The following UBXN4 variants were observed in gnomAD, a reference collection of about 807,000 sequenced individuals.
The protein encoded by UBXN4 is UBX domain-containing protein 4.
UBXN4 carries 35 observed loss-of-function variants against 66.2 expected under a neutral mutation model. That is an observed-to-expected ratio of 0.53 (90% CI 0.40 to 0.70). The LOEUF (loss-of-function observed/expected upper bound fraction) is 0.70, where lower values mean the gene tolerates loss of function less well. Among genes scored for constraint, UBXN4 ranks in the 30% least tolerant of loss-of-function variants. The probability of loss-of-function intolerance (pLI) is 0.00; values close to 1 mark genes in which losing one functional copy is unlikely to be tolerated. For synonymous variants in UBXN4, 203 were observed against 204.5 expected, an observed-to-expected ratio of 0.99 and a Z score of 0.06; for missense variants, 533 against 599.8, an observed-to-expected ratio of 0.89 and a Z score of 1.16.
chr2:135,768,276 G>A (rs2077359531), intron 6 of UBXN4, among the ~76,000 whole-genome samples: 1 of 151,950 alleles, frequency 6.6e-6, no homozygotes, highest in Non-Finnish European at 1.5e-5. Context: ...TCGGCTCACT[G>A]CAACCTCCGC....
chr2:135,745,012 A>T (rs1158991260), intron 1 of UBXN4, among the ~76,000 whole-genome samples: 1 of 152,188 alleles, frequency 6.6e-6, no homozygotes. Flanking sequence ...TGAGGGAGTG[A>T]TGCACCAGCC....
chr2:135,755,322 T>C (rs951080416), intron 4 of UBXN4, among the ~76,000 whole-genome samples, 195 bp from the exon 5 acceptor site: 1 of 152,234 alleles, frequency 6.6e-6, no homozygotes, highest in Non-Finnish European at 1.5e-5. Context: ...GTTTTTATGG[T>C]CTTGCCAGCT....
chr2:135,773,606 A>G (rs1023126886), intron 9 of UBXN4, among the ~76,000 whole-genome samples: 2 of 152,194 alleles, frequency 1.3e-5, no homozygotes, highest in East Asian at 3.8e-4. Flanking sequence ...AACGAATGAC[A>G]CATAGCAGGG....
rs185332654 is a variant in UBXN4 at position 135,751,248 on chromosome 2, G to A, written c.186-2291G>A. Among the ~76,000 whole-genome samples, 488 of 150,304 alleles carry A rather than the reference G, an allele frequency of 3.2e-3. 2 individuals carry two copies. Among genetic ancestry groups the A allele is most frequent in the Non-Finnish European group, 5.5e-3 (375 of 67,722 alleles). On this transcript the variant is annotated intron_variant, in intron 2 of 12. Coordinates refer to ENST00000272638, the MANE Select transcript of UBXN4 (RefSeq NM_014607.4). ...GTAGCCCAGGCTGGAGTGCAGTAAC[G>A]TGATCTTGGCTCACTGCAAGCTCCG...
At chr2:135,742,995 A>G (rs1210987033) in intron 1 of UBXN4, among the ~76,000 whole-genome samples, 5 of 152,210 alleles carry the variant, frequency 3.3e-5, no homozygotes, top group African/African-American at 7.2e-5. Context: ...GTAGATTTAC[A>G]GTGAACTCCC....
At chr2:135,763,212 A>C (rs2077325871) in intron 6 of UBXN4, among the ~76,000 whole-genome samples, 1 of 152,146 alleles carries the variant, frequency 6.6e-6, no homozygotes, top group Non-Finnish European at 1.5e-5. Context: ...CCAAATGTCC[A>C]CTTAGCTCAT....
Position 135,746,696 on chromosome 2 carries a change from C to A in UBXN4, c.83-1571C>A, listed in dbSNP as rs2077208987. On this transcript the variant is annotated intron_variant, in intron 1 of 12. Coordinates refer to ENST00000272638, the MANE Select transcript of UBXN4 (RefSeq NM_014607.4). Reference sequence around the variant, plus strand: ...AACAACTAGTACAAAGACCTTATGGCTGAAGTGTCTTTCATATTTGAGGAA... The same window carrying A: ...AACAACTAGTACAAAGACCTTATGGATGAAGTGTCTTTCATATTTGAGGAA... Among the ~76,000 whole-genome samples, 7 of 152,148 alleles carry A rather than the reference C, an allele frequency of 4.6e-5. No homozygotes were observed. The South Asian group carries it at 1.5e-3, about 32-fold the overall frequency.
chr2:135,769,335 T>G (rs2077368312), intron 6 of UBXN4, among the ~76,000 whole-genome samples: 1 of 152,090 alleles, frequency 6.6e-6, no homozygotes, highest in African/African-American at 2.4e-5. Flanking sequence ...CAGTTGAGAA[T>G]CAAGTTGGTG....
Position 135,780,371 on chromosome 2 carries a change from C to A in UBXN4, c.1374C>A (p.Ser458Arg), listed in dbSNP as rs2304602. ...SSEPPNPASS[S>R]KSEKREPVRK... The stretch of plus-strand genomic sequence containing the variant: ...AACCCCCAAACCCTGCATCATCTAG[C>A]AAATCAGAAAAAAGGTATCTGTGTG... Residue 458 changes from serine to arginine, a missense_variant, in exon 12 of 13, where the codon AGC becomes AGA. Transcript: ENST00000272638. 6.2e-7 allele frequency: 1 copy of A among 1,613,522 alleles called. No individual in the cohort carries two copies. Among genetic ancestry groups the A allele is most frequent in the Non-Finnish European group, 8.5e-7 (1 of 1,179,736 alleles).
chr2:135,749,114 G>A (rs1210104388), intron 2 of UBXN4, among the ~76,000 whole-genome samples: 3 of 151,940 alleles, frequency 2.0e-5, no homozygotes, highest in Admixed American at 6.6e-5. Flanking sequence ...TCTGACTGCC[G>A]TTTGCTAAAT....
chr2:135,758,482 G>T (rs1243632511), intron 5 of UBXN4, among the ~76,000 whole-genome samples: 1 of 152,060 alleles, frequency 6.6e-6, no homozygotes, highest in African/African-American at 2.4e-5. Flanking sequence ...TGAAAGTGCT[G>T]GGATTACAGG....
At chr2:135,780,147 C>T (rs2077440761) in intron 11 of UBXN4, 36 bp from the exon 12 acceptor site, 10 of 1,601,020 alleles carry the variant, frequency 6.2e-6, no homozygotes, top group Admixed American at 3.3e-5. Flanking sequence ...ATTGTGCTAA[C>T]GTAGTCTTTA....
At chr2:135,776,717 C>T (rs943395936) in intron 10 of UBXN4, among the ~76,000 whole-genome samples, 1 of 152,012 alleles carries the variant, frequency 6.6e-6, no homozygotes, top group Non-Finnish European at 1.5e-5. Context: ...CCTCAGCCTC[C>T]TAAGTAGCTG....
chr2:135,765,262 T>A (rs1207809175), intron 6 of UBXN4, among the ~76,000 whole-genome samples: 1 of 151,354 alleles, frequency 6.6e-6, no homozygotes, highest in Non-Finnish European at 1.5e-5. Context: ...CAAGCTGGGG[T>A]GCAATGGCAC....
chr2:135,753,745 A>G (rs1280741870), intron 3 of UBXN4, 178 bp downstream of exon 3: 3 of 579,316 alleles, frequency 5.2e-6, no homozygotes, highest in African/African-American at 2.0e-5. Context: ...AATTTCAAAC[A>G]TATATAAAAG....
chr2:135,768,732 T>C lies in UBXN4; in HGVS notation c.603-1037T>C, dbSNP rs117590342. 1.7e-3 allele frequency among the ~76,000 whole-genome samples: 261 copies of C among 151,838 alleles called. 7 individuals carry two copies. In the South Asian group the frequency reaches 0.032, roughly 19 times the overall value. On this transcript the variant is annotated intron_variant, in intron 6 of 12. Transcript: ENST00000272638. ...GCGCTCACCACCACGCCCAGATGTTTTTCTATTTTTAGTAGAGACAGCGTT... is the reference window on the plus strand; with the variant it reads ...GCGCTCACCACCACGCCCAGATGTTCTTCTATTTTTAGTAGAGACAGCGTT...
intron 6 of UBXN4, among the ~76,000 whole-genome samples, chr2:135,765,968 C>T (rs569469612): frequency 6.6e-6 from 1 of 152,184 alleles, no homozygotes; most frequent in East Asian, 1.9e-4. Context: ...GCCTGAGCAA[C>T]ATGGTGAAAC....
At chr2:135,747,097 G>A (rs2077211662) in intron 1 of UBXN4, among the ~76,000 whole-genome samples, 1 of 152,040 alleles carries the variant, frequency 6.6e-6, no homozygotes, top group South Asian at 2.1e-4. Flanking sequence ...CTGGAAGGAT[G>A]GAGTTACCAT....
At chr2:135,769,416 T>C (rs991209561) in intron 6 of UBXN4, among the ~76,000 whole-genome samples, 2 of 151,320 alleles carry the variant, frequency 1.3e-5, no homozygotes, top group African/African-American at 4.9e-5. Flanking sequence ...TTTTTTACCA[T>C]AGTGCTGTTT....
Sources: gnomAD v4.1 joint callset for allele counts (sites outside exome capture counted in the v4.1 genomes callset) on GRCh38, gnomAD v4.1.1 for gene constraint, MANE v1.5 for transcripts, NCBI Gene and HGNC (gene_info 2026-07-23, HGNC 2026-07-21) for gene names.